MAP4: variants seen among roughly 807,000 people sequenced by gnomAD.
MAP4 encodes the protein microtubule associated protein 4.
Under a neutral mutation model 170.2 loss-of-function variants are expected in MAP4, and 76 were observed. The ratio of observed to expected loss-of-function variants is 0.45; its 90% CI spans 0.37 to 0.54. The LOEUF (loss-of-function observed/expected upper bound fraction) is 0.54. MAP4 is among the 20% of genes least tolerant of loss of function. The pLI, the probability that MAP4 is intolerant of heterozygous loss-of-function variation, is 0.00. For synonymous variants in MAP4, 909 were observed against 994.5 expected (o/e 0.91, Z 1.62); for missense variants, 2,506 against 2,748.0 (o/e 0.91, Z 1.97).
chr3:48,087,948 T>C (rs1042330178), intron 1 of MAP4, among the ~76,000 whole-genome samples: 14 of 152,078 alleles, frequency 9.2e-5, no homozygotes, highest in Non-Finnish European at 1.5e-4. Context: ...GCTTGGGTCC[T>C]AAAGCACAAA....
intron 1 of MAP4, 36 bp from the exon 2 acceptor site, chr3:47,998,915 C>G (rs1343062518): frequency 8.4e-7 from 1 of 1,186,426 alleles, no homozygotes; most frequent in Non-Finnish European, 1.3e-6. Context: ...ATGTAACGAG[C>G]ACTGCAAAAG....
At chr3:48,040,907 G>C (rs1441964760) in intron 1 of MAP4, among the ~76,000 whole-genome samples, 2 of 151,840 alleles carry the variant, frequency 1.3e-5, no homozygotes, top group African/African-American at 2.4e-5. Flanking sequence ...GCCGTTGTTA[G>C]CCAGGCTGGT....
intron 10 of MAP4, among the ~76,000 whole-genome samples, chr3:47,890,285 G>A (rs978872857): frequency 3.3e-5 from 5 of 152,022 alleles, no homozygotes; most frequent in African/African-American, 7.2e-5. Context: ...CACAAAGACC[G>A]CAAAATTTAG....
At chr3:47,878,438 A>C (rs963673660) in intron 10 of MAP4, among the ~76,000 whole-genome samples, 1 of 152,228 alleles carries the variant, frequency 6.6e-6, no homozygotes, top group Non-Finnish European at 1.5e-5. Context: ...GGAAAATGCA[A>C]AACAATATGA....
chr3:48,019,934 CTATTT>C (rs1296385345), upstream of MAP4, among the ~76,000 whole-genome samples: 3 of 152,216 alleles, frequency 2.0e-5, no homozygotes, highest in Admixed American at 6.5e-5. Flanking sequence ...AAGTTTCACT[CTATTT>C]TATATCAGTG....
intron 1 of MAP4, among the ~76,000 whole-genome samples, chr3:47,999,121 T>C (rs1329060122): frequency 6.6e-6 from 1 of 152,060 alleles, no homozygotes; most frequent in East Asian, 1.9e-4. Flanking sequence ...GAGGTGGTGG[T>C]GGCAGGACAA....
chr3:47,853,036 A>G, intron 20 of MAP4, 98 bp from the exon 21 acceptor site: 2 of 1,614,208 alleles, frequency 1.2e-6, no homozygotes, highest in Non-Finnish European at 1.7e-6. Flanking sequence ...TCATCATTAG[A>G]TGCCTGGAAA....
At chr3:47,859,668 C>T (rs1353080561) in intron 17 of MAP4, among the ~76,000 whole-genome samples, 1 of 152,222 alleles carries the variant, frequency 6.6e-6, no homozygotes, top group East Asian at 1.9e-4. Context: ...GGAACTATAC[C>T]ATAATGGCTT....
chr3:48,032,314 G>A (rs1218516807), intron 1 of MAP4, among the ~76,000 whole-genome samples: 1 of 151,966 alleles, frequency 6.6e-6, no homozygotes. Flanking sequence ...GGCCAACATG[G>A]TGAAACTGCA....
chr3:48,020,733 G>A (rs1158387298), upstream of MAP4, among the ~76,000 whole-genome samples: 3 of 152,024 alleles, frequency 2.0e-5, no homozygotes, highest in Admixed American at 6.5e-5. Flanking sequence ...AAAAAAACAC[G>A]CTGGATCAGA....
chr3:48,048,501 A>G (rs1448168391), intron 1 of MAP4, among the ~76,000 whole-genome samples: 2 of 141,236 alleles, frequency 1.4e-5, no homozygotes, highest in Non-Finnish European at 3.0e-5. Flanking sequence ...CCAGATCTCA[A>G]TTATCTTTTT....
At chr3:47,986,770 C>A (rs1377758608) in intron 2 of MAP4, among the ~76,000 whole-genome samples, 1 of 152,142 alleles carries the variant, frequency 6.6e-6, no homozygotes, top group Non-Finnish European at 1.5e-5. Context: ...CAGAAAATAA[C>A]TATTTTTGCA....
intron 3 of MAP4, among the ~76,000 whole-genome samples, chr3:47,951,688 C>A (rs1453730855): frequency 6.6e-6 from 1 of 152,312 alleles, no homozygotes; most frequent in African/African-American, 2.4e-5. Flanking sequence ...GTGGCGTGAT[C>A]TCGGCTCGCT....
rs59624917 is a variant in MAP4 at position 48,045,984 on chromosome 3, C to CTT, written c.-20+42787_-20+42788dup. Among the ~76,000 whole-genome samples, 266 of 130,828 alleles carry CTT rather than the reference C, an allele frequency of 2.0e-3. 2 individuals carry two copies. The highest frequency in any genetic ancestry group is 3.8e-3 in the African/African-American group (137 of 35,714). The allele number at this position is 130,828 out of a possible 152,430, so 85.8% of individuals were successfully genotyped here. ...CACTACAAAATTTCTTGCATCACTT[C>CTT]TTTTTTTTTTTTTTTTTTTTACCAA... On this transcript the variant is annotated intron_variant, in intron 1 of 18. Transcript: ENST00000360240.
At chr3:48,037,586 G>T (rs774394825) in intron 1 of MAP4, among the ~76,000 whole-genome samples, 1 of 151,908 alleles carries the variant, frequency 6.6e-6, no homozygotes, top group African/African-American at 2.4e-5. Flanking sequence ...GTAGAGACAG[G>T]GCTTCTCCAT....
chr3:47,897,952 A>AGGGGGGG (rs1559960134), intron 10 of MAP4, among the ~76,000 whole-genome samples: 1 of 139,302 alleles, frequency 7.2e-6, no homozygotes, highest in African/African-American at 2.8e-5. Flanking sequence ...GGGGGGGGGA[A>AGGGGGGG]AAAAAAAAAA....
At chr3:47,973,965 A>C in intron 3 of MAP4, 1 of 985,452 alleles carries the variant, frequency 1.0e-6, no homozygotes, top group Non-Finnish European at 1.2e-6. Flanking sequence ...TCTGTCCAGA[A>C]TCCATAGAAG....
chr3:47,995,923 A>G (rs2100095285), intron 2 of MAP4, among the ~76,000 whole-genome samples: 1 of 152,210 alleles, frequency 6.6e-6, no homozygotes, highest in African/African-American at 2.4e-5. Context: ...TGATTTGTCA[A>G]AGGTAAATGA....
chr3:48,028,624 T>C (rs1348648410), intron 1 of MAP4, among the ~76,000 whole-genome samples: 1 of 150,058 alleles, frequency 6.7e-6, no homozygotes, highest in Non-Finnish European at 1.5e-5. Flanking sequence ...AATACGAAAA[T>C]TAGCTGGGCA....
Sources: gnomAD v4.1 joint callset for allele counts (sites outside exome capture counted in the v4.1 genomes callset) on GRCh38, gnomAD v4.1.1 for gene constraint, MANE v1.5 for transcripts, NCBI Gene and HGNC (gene_info 2026-07-23, HGNC 2026-07-21) for gene names.